Variants in CCDC186 observed in about 807,000 individuals in gnomAD.
CCDC186 encodes the protein coiled-coil domain-containing protein 186.
A neutral mutation model predicts 113.7 loss-of-function variants in CCDC186; 49 were observed. The ratio of observed to expected loss-of-function variants is 0.43; its 90% CI spans 0.34 to 0.55. The LOEUF is 0.55. Ranked by LOEUF, CCDC186 falls within the 20% of genes least tolerant of loss-of-function variation. The pLI, the probability that CCDC186 is intolerant of heterozygous loss-of-function variation, is 0.02. For synonymous variants in CCDC186, 355 were observed against 345.8 expected (o/e 1.03, Z -0.30); for missense variants, 890 against 1,011.1 (o/e 0.88, Z 1.62).
At chr10:114,146,961 C>T (rs532934390) in intron 4 of CCDC186, among the ~76,000 whole-genome samples, 1 of 152,186 alleles carries the variant, frequency 6.6e-6, no homozygotes, top group South Asian at 2.1e-4. Flanking sequence ...TAAAAATCTC[C>T]CAATTGGGAT....
intron 13 of CCDC186, among the ~76,000 whole-genome samples, chr10:114,128,028 T>C (rs933790378): frequency 4.6e-5 from 7 of 152,078 alleles, no homozygotes; most frequent in African/African-American, 1.4e-4. Flanking sequence ...GGTTAGAATA[T>C]AGTGGGTTAA....
chr10:114,122,476 T>C lies in CCDC186; in HGVS notation c.*2667A>G, dbSNP rs1355270507. The C allele has an allele frequency of 6.6e-6, 1 of 152,160 alleles. No individual in the cohort carries two copies. Among genetic ancestry groups the C allele is most frequent in the Non-Finnish European group, 1.5e-5 (1 of 68,028 alleles). 9.4% of individuals were successfully genotyped at this position (152,160 alleles called of 1,614,324 possible). ...CAAAATTAAAACCTATTGAAGTGTATACATATACATACACAGAAAAAATCA... is the reference window on the plus strand; with the variant it reads ...CAAAATTAAAACCTATTGAAGTGTACACATATACATACACAGAAAAAATCA... On this transcript the variant is annotated 3_prime_UTR_variant, in exon 16 of 16. Transcript: ENST00000369287.
intron 2 of CCDC186, among the ~76,000 whole-genome samples, chr10:114,159,052 G>A (rs1008299354): frequency 6.6e-6 from 1 of 152,212 alleles, no homozygotes; most frequent in Non-Finnish European, 1.5e-5. Context: ...AGTGACTTGA[G>A]CTGCTATTTT....
At chr10:114,173,621 C>G (rs867140621) in intron 1 of CCDC186, among the ~76,000 whole-genome samples, 3 of 152,146 alleles carry the variant, frequency 2.0e-5, no homozygotes, top group African/African-American at 7.2e-5. Flanking sequence ...CAACTTGAGA[C>G]GAAAAACGAA....
At chr10:114,152,874 C>G (rs2031896559) in intron 3 of CCDC186, among the ~76,000 whole-genome samples, 1 of 151,974 alleles carries the variant, frequency 6.6e-6, no homozygotes, top group Non-Finnish European at 1.5e-5. Context: ...AAGAATGTTA[C>G]CAGAGATAAA....
At chr10:114,141,175 G>A (rs2031455178) in intron 6 of CCDC186, among the ~76,000 whole-genome samples, 2 of 152,062 alleles carry the variant, frequency 1.3e-5, no homozygotes, top group Admixed American at 1.3e-4. Context: ...AATTACAGGT[G>A]TGAGACACCG....
At chr10:114,126,180 T>C in intron 14 of CCDC186, 75 bp from the exon 15 acceptor site, 2 of 1,097,820 alleles carry the variant, frequency 1.8e-6, no homozygotes, top group Non-Finnish European at 2.7e-6. Flanking sequence ...AGTCAACTAA[T>C]CATAAAGATA....
chr10:114,137,156 A>T, intron 7 of CCDC186, 30 bp downstream of exon 7: 1 of 1,494,564 alleles, frequency 6.7e-7, no homozygotes, highest in Non-Finnish European at 9.3e-7. Context: ...CTAAAATTTG[A>T]TACTAATCTA....
Position 114,145,772 on chromosome 10 carries a change from A to C in CCDC186, c.889-11T>G, listed in dbSNP as rs1204504819. On this transcript the variant is annotated splice_polypyrimidine_tract_variant and intron_variant, in intron 4 of 15. Coordinates refer to ENST00000369287, the MANE Select transcript of CCDC186 (RefSeq NM_018017.4). ...ACATTTCTTGTTGGCCTTCAAAAAA[A>C]ATATTACTTAGCATTAATGAAAAAT... The C allele has an allele frequency of 6.4e-7, 1 of 1,568,974 alleles. No individual in the cohort carries two copies. The highest frequency in any genetic ancestry group is 8.6e-7 in the Non-Finnish European group (1 of 1,165,440).
At chr10:114,151,839 A>C (rs575749065) in intron 3 of CCDC186, among the ~76,000 whole-genome samples, 32 of 152,308 alleles carry the variant, frequency 2.1e-4, no homozygotes, top group Non-Finnish European at 3.4e-4. Context: ...CTGGCAATTC[A>C]CATGTGCCAA....
At chr10:114,162,287 T>G (rs2032190874) in intron 2 of CCDC186, 1 of 162,950 alleles carries the variant, frequency 6.1e-6, no homozygotes, top group South Asian at 1.9e-4. Context: ...AGAATGCAGA[T>G]TTTAAGAAAA....
Position 114,137,159 on chromosome 10 carries a change from C to T in CCDC186, c.1326+27G>A, listed in dbSNP as rs765966550. On this transcript the variant is annotated intron_variant, in intron 7 of 15. Transcript: ENST00000369287. ...AACTGATATTTGCTAAAATTTGATA[C>T]TAATCTATTTTAAAAGTTATGCATA... is the stretch of plus-strand genomic sequence containing the variant. The T allele has an allele frequency of 4.0e-6, 6 of 1,511,172 alleles. No homozygotes were observed. In the South Asian group the frequency reaches 4.6e-5, roughly 11 times the overall value. 93.6% of individuals were successfully genotyped at this position (1,511,172 alleles called of 1,614,324 possible). A position where few individuals can be genotyped will look rare whatever the true frequency, so the allele number is the denominator to read the frequency against.
chr10:114,136,956 A>C (rs1444719562), intron 7 of CCDC186, among the ~76,000 whole-genome samples: 1 of 152,042 alleles, frequency 6.6e-6, no homozygotes, highest in African/African-American at 2.4e-5. Context: ...CTCTCTACTA[A>C]AAATACAAAA....
At position 114,173,932 on chromosome 10, in the gene CCDC186, C is replaced by A. The variant is rs1443790408; in HGVS notation, c.-62+83G>T. 1.8e-5 allele frequency: 8 copies of A among 448,004 alleles called. No homozygotes were observed. In the East Asian group the frequency reaches 5.1e-4, roughly 28 times the overall value. 27.8% of individuals were successfully genotyped at this position (448,004 alleles called of 1,614,324 possible). ...GCCCTCGCCCCCGCCACGGAACGTG[C>A]AGGAAGGAGCGGAAGGCTGGCAGCC... On this transcript the variant is annotated intron_variant, in intron 1 of 15. Coordinates refer to ENST00000369287, the MANE Select transcript of CCDC186 (RefSeq NM_018017.4).
intron 2 of CCDC186, 30 bp from the exon 3 acceptor site, chr10:114,157,710 A>T: frequency 6.6e-7 from 1 of 1,505,986 alleles, no homozygotes; most frequent in Non-Finnish European, 9.0e-7. Flanking sequence ...TGTATGTAAA[A>T]CATAATTTAA....
At chr10:114,168,206 T>A (rs1216105267) in intron 1 of CCDC186, 2 of 152,182 alleles carry the variant, frequency 1.3e-5, no homozygotes, top group Non-Finnish European at 2.9e-5. Context: ...TCGAAATCAT[T>A]TCAGTGGGTG....
Position 114,173,998 on chromosome 10 carries a change from ACC to A in CCDC186, c.-62+15_-62+16del, listed in dbSNP as rs1564923329. 1 of 469,168 alleles carries A rather than the reference ACC, an allele frequency of 2.1e-6. No homozygotes were observed. The allele number at this position is 469,168 out of a possible 1,614,324, so 29.1% of individuals were successfully genotyped here. On this transcript the variant is annotated intron_variant, in intron 1 of 15. Coordinates refer to ENST00000369287, the MANE Select transcript of CCDC186 (RefSeq NM_018017.4). ...CGCGACTCACCGGTGTGCCCCGAGT[ACC>A]CCTCAGACACTTACCCCACTTATCC... is the stretch of plus-strand genomic sequence containing the variant.
At chr10:114,150,569 A>G (rs1207397516) in intron 4 of CCDC186, among the ~76,000 whole-genome samples, 1 of 152,166 alleles carries the variant, frequency 6.6e-6, no homozygotes. Context: ...AAGAATATGT[A>G]CAGATTAAAA....
At chr10:114,169,140 A>T (rs1007214966) in intron 1 of CCDC186, among the ~76,000 whole-genome samples, 1 of 152,162 alleles carries the variant, frequency 6.6e-6, no homozygotes. Flanking sequence ...ATCAGAAGCT[A>T]AGTAAGAAAT....
Sources: gnomAD v4.1 joint callset for allele counts (sites outside exome capture counted in the v4.1 genomes callset) on GRCh38, gnomAD v4.1.1 for gene constraint, MANE v1.5 for transcripts, NCBI Gene and HGNC (gene_info 2026-07-23, HGNC 2026-07-21) for gene names.